Variants in MYO6 observed in about 807,000 individuals in gnomAD.
MYO6 encodes the protein unconventional myosin-VI.
Under a neutral mutation model 178.7 loss-of-function variants are expected in MYO6, and 74 were observed. The ratio of observed to expected loss-of-function variants is 0.41; its 90% confidence interval spans 0.34 to 0.50. MYO6 has a LOEUF of 0.50. Among genes scored for constraint, MYO6 ranks in the 20% least tolerant of loss-of-function variants. MYO6 has a pLI of 0.09. For missense variants in MYO6, 1,330 were observed against 1,547.4 expected (o/e 0.86, Z 2.36); for synonymous variants, 477 against 504.6 (o/e 0.95, Z 0.73).
At chr6:75,795,137 C>A (rs1458128082) in intron 1 of MYO6, among the ~76,000 whole-genome samples, 1 of 152,126 alleles carries the variant, frequency 6.6e-6, no homozygotes, top group Admixed American at 6.5e-5. Context: ...TTAATGCCTA[C>A]GGACTTAAAG....
intron 3 of MYO6, among the ~76,000 whole-genome samples, chr6:75,824,025 A>G (rs1384765507): frequency 1.3e-5 from 2 of 152,230 alleles, no homozygotes; most frequent in Non-Finnish European, 1.5e-5. Flanking sequence ...GAATAAAATA[A>G]TAAGGAATGA....
intron 2 of MYO6, among the ~76,000 whole-genome samples, chr6:75,822,321 C>T (rs1003690338): frequency 1.3e-5 from 2 of 152,108 alleles, no homozygotes; most frequent in African/African-American, 4.8e-5. Context: ...TAGTTTCAAA[C>T]TCCTGACCTC....
intron 30 of MYO6, among the ~76,000 whole-genome samples, chr6:75,903,020 A>G (rs1318633151): frequency 6.6e-6 from 1 of 152,012 alleles, no homozygotes; most frequent in African/African-American, 2.4e-5. Flanking sequence ...TTCAGTTTCC[A>G]TGTAGTTGAG....
intron 6 of MYO6, among the ~76,000 whole-genome samples, chr6:75,833,936 C>T (rs1238338841): frequency 6.6e-6 from 1 of 152,134 alleles, no homozygotes; most frequent in Non-Finnish European, 1.5e-5. Context: ...GGAAGCTAGT[C>T]TATAGATTAC....
intron 17 of MYO6, 39 bp downstream of exon 17, chr6:75,866,660 T>C (rs1297221582): frequency 4.0e-6 from 6 of 1,507,308 alleles, no homozygotes; most frequent in Non-Finnish European, 4.6e-6. Context: ...CATTTCATGT[T>C]GAAGCTGCAC....
intron 11 of MYO6, among the ~76,000 whole-genome samples, chr6:75,853,681 TAAGTA>T (rs1775482620): frequency 6.6e-6 from 1 of 152,202 alleles, no homozygotes; most frequent in South Asian, 2.1e-4. Context: ...ATTGGTATGT[TAAGTA>T]GTTTATGAAT....
At chr6:75,885,542 G>C (rs192549902) in intron 23 of MYO6, among the ~76,000 whole-genome samples, 3 of 151,702 alleles carry the variant, frequency 2.0e-5, no homozygotes, top group Non-Finnish European at 4.4e-5. Context: ...TCCGCCTCCC[G>C]GGTTCACGCC....
intron 12 of MYO6, 28 bp from the exon 13 acceptor site, chr6:75,857,069 T>C (rs781557280): frequency 1.2e-6 from 2 of 1,612,284 alleles, no homozygotes; most frequent in South Asian, 2.2e-5. Flanking sequence ...TTATAAAGAA[T>C]TTTTACTAGC....
rs980719206 is a variant in MYO6, at chr6:75,807,117, G to A, written c.-47-10384G>A. On this transcript the variant is annotated intron_variant, in intron 1 of 34. Transcript: ENST00000369977. Reference sequence around the variant, plus strand: ...GAGTTTGCCTCTGTATAGAGTTCTAGGTTAGAATTAATTTTCCTCCAGAAT... The same window carrying A: ...GAGTTTGCCTCTGTATAGAGTTCTAAGTTAGAATTAATTTTCCTCCAGAAT... Among the ~76,000 whole-genome samples, 4 of 152,150 alleles carry A rather than the reference G, an allele frequency of 2.6e-5. No individual in the cohort carries two copies. The South Asian group carries it at 6.2e-4, about 24-fold the overall frequency.
At chr6:75,912,809 G>C (rs1478868211) in intron 33 of MYO6, among the ~76,000 whole-genome samples, 1 of 152,102 alleles carries the variant, frequency 6.6e-6, no homozygotes, top group Admixed American at 6.5e-5. Flanking sequence ...GAATAGATAA[G>C]CAGATGTCTG....
chr6:75,754,430 G>T (rs182301372), intron 1 of MYO6, among the ~76,000 whole-genome samples: 5 of 135,292 alleles, frequency 3.7e-5, no homozygotes, highest in African/African-American at 1.1e-4. Flanking sequence ...CAAGGCATGA[G>T]AATCACTTGA....
chr6:75,886,053 A>T lies in MYO6; in HGVS notation c.2466A>T (p.Lys822Asn). The T allele has an allele frequency of 6.2e-7, 1 of 1,612,894 alleles. No individual in the cohort carries two copies. The highest frequency in any genetic ancestry group is 8.5e-7 in the Non-Finnish European group (1 of 1,179,230). ...YRAEACIKMQ[K>N]TIRMWLCKRR... Reference sequence around the variant, plus strand: ...CTGAAGCCTGCATTAAAATGCAAAAAACTATTCGAATGTGGCTTTGCAAGA... The same window carrying T: ...CTGAAGCCTGCATTAAAATGCAAAATACTATTCGAATGTGGCTTTGCAAGA... The change falls in exon 24 of 35, where the codon AAA becomes AAT. Residue 822 changes from lysine to asparagine, a missense_variant. Coordinates refer to ENST00000369977, the MANE Select transcript of MYO6 (RefSeq NM_004999.4).
At chr6:75,762,564 A>G (rs1374075378) in intron 1 of MYO6, among the ~76,000 whole-genome samples, 1 of 152,254 alleles carries the variant, frequency 6.6e-6, no homozygotes, top group African/African-American at 2.4e-5. Flanking sequence ...CTACACAAAC[A>G]GTAGTAAAAT....
At chr6:75,822,185 C>T (rs1473842978) in intron 2 of MYO6, among the ~76,000 whole-genome samples, 1 of 151,794 alleles carries the variant, frequency 6.6e-6, no homozygotes, top group Non-Finnish European at 1.5e-5. Context: ...GCATCCTCCA[C>T]CTCCTGGGTT....
chr6:75,817,489 C>T lies in MYO6; in HGVS notation c.-47-12C>T. 1 of 1,275,810 alleles carries T rather than the reference C, an allele frequency of 7.8e-7. No individual in the cohort carries two copies. Among genetic ancestry groups the T allele is most frequent in the Non-Finnish European group, 1.1e-6 (1 of 871,412 alleles). 79.0% of individuals were successfully genotyped at this position (1,275,810 alleles called of 1,614,324 possible). A position where few individuals can be genotyped will look rare whatever the true frequency, so the allele number is the denominator to read the frequency against. On this transcript the variant is annotated splice_polypyrimidine_tract_variant and intron_variant, in intron 1 of 34. Coordinates refer to ENST00000369977, the MANE Select transcript of MYO6 (RefSeq NM_004999.4). ...ACTGATTCATGTTGCTGTATTTGTT[C>T]CTTTGAAACAGGTGACAGTGGATAG...
intron 11 of MYO6, among the ~76,000 whole-genome samples, chr6:75,854,271 A>ATTGC (rs1775540089): frequency 4.4e-5 from 4 of 90,212 alleles, no homozygotes; most frequent in African/African-American, 2.0e-4. Context: ...ACCTAACTGC[A>ATTGC]TTGCTTTTTT....
intron 20 of MYO6, among the ~76,000 whole-genome samples, chr6:75,876,241 G>T (rs1461071222): frequency 6.6e-6 from 1 of 152,100 alleles, no homozygotes; most frequent in African/African-American, 2.4e-5. Flanking sequence ...CACAGTTGTA[G>T]TTACAAATTT....
In MYO6 at chr6:75,916,721, G is replaced by C. The variant is rs932106347; in HGVS notation, c.*1709G>C. On this transcript the variant is annotated 3_prime_UTR_variant, in exon 35 of 35. Coordinates refer to ENST00000369977, the MANE Select transcript of MYO6 (RefSeq NM_004999.4). ...TTGAACAAAATTTAGTAGCCAAATT[G>C]TTTTTTAATGACATGTCTCTTTAGT... 3.9e-5 allele frequency: 6 copies of C among 152,326 alleles called. No homozygotes were observed. The highest frequency in any genetic ancestry group is 1.4e-4 in the African/African-American group (6 of 41,526). 9.4% of individuals were successfully genotyped at this position (152,326 alleles called of 1,614,324 possible).
At chr6:75,774,518 T>C (rs796586248) in intron 1 of MYO6, among the ~76,000 whole-genome samples, 21 of 152,208 alleles carry the variant, frequency 1.4e-4, no homozygotes, top group African/African-American at 4.8e-4. Context: ...TGCAATTTAA[T>C]GTTTTATGTG....
Sources: allele counts gnomAD v4.1 joint callset (sites outside exome capture counted in the v4.1 genomes callset), GRCh38; gene constraint gnomAD v4.1.1; transcripts MANE v1.5; gene names NCBI Gene and HGNC (gene_info 2026-07-23, HGNC 2026-07-21).